The following MYO18B variants were observed in gnomAD, a reference collection of about 807,000 sequenced individuals.
MYO18B encodes unconventional myosin-XVIIIb.
In MYO18B, 204 loss-of-function variants were observed where a neutral mutation model predicts 273.0. The observed-to-expected ratio is 0.75, with a 90% CI of 0.67 to 0.84. The LOEUF (loss-of-function observed/expected upper bound fraction) is 0.84. Among genes scored for constraint, MYO18B ranks in the 40% least tolerant of loss-of-function variants. The probability of loss-of-function intolerance (pLI) is 0.00; values close to 1 mark genes in which losing one functional copy is unlikely to be tolerated. For synonymous variants in MYO18B, 1,330 were observed against 1,305.7 expected, an observed-to-expected ratio of 1.02 and a Z score of -0.40; for missense variants, 3,212 against 3,287.6, an observed-to-expected ratio of 0.98 and a Z score of 0.56.
At chr22:25,781,648 C>A in intron 9 of MYO18B, 86 bp from the exon 10 acceptor site, 1 of 752,590 alleles carries the variant, frequency 1.3e-6, no homozygotes, top group Non-Finnish European at 1.9e-6. Flanking sequence ...GTGGGGCACC[C>A]CAATGGGGCT....
rs745646260 is a variant in MYO18B at position 25,846,275 on chromosome 22, C to G, written c.3544C>G (p.Leu1182Val). The G allele has an allele frequency of 1.9e-5, 31 of 1,611,358 alleles. No homozygotes were observed. The highest frequency in any genetic ancestry group is 2.6e-5 in the Non-Finnish European group (31 of 1,179,778). ...GAAAGCCCCGTGCTCCCAGATCAAG[C>G]TGCAGATGGTGAGTGGGCACCCTGT... is the stretch of plus-strand genomic sequence containing the variant. ...RRKAPCSQIK[L>V]QMDALTSMIK... Residue 1182 changes from leucine (L) to valine (V), a missense_variant, in exon 19 of 44, where the codon CTG becomes GTG. Physicochemically the swap from Leu to Val is conservative, Grantham distance 32 (BLOSUM62 1). Coordinates refer to ENST00000335473, the MANE Select transcript of MYO18B (RefSeq NM_032608.7).
the MYO18B span, among the ~76,000 whole-genome samples, chr22:26,040,024 T>C: frequency 6.6e-6 from 1 of 152,186 alleles, no homozygotes; most frequent in Non-Finnish European, 1.5e-5. Flanking sequence ...GATGGGTTTC[T>C]GCCACGTTGC....
intron 21 of MYO18B, among the ~76,000 whole-genome samples, chr22:25,862,341 T>G (rs1223351922): frequency 1.3e-5 from 2 of 152,186 alleles, no homozygotes; most frequent in Non-Finnish European, 2.9e-5. Flanking sequence ...CTTATGTCTT[T>G]TAGGTAAGTT....
At position 25,947,618 on chromosome 22, in the gene MYO18B, C is replaced by T. The variant is rs568076459; in HGVS notation, c.5632-94C>T. ...CATTGATGGTCACTCACCTCACACACCTATAGGCAAGCCCCTCTTTGCTCT... is the reference window on the plus strand; with the variant it reads ...CATTGATGGTCACTCACCTCACACATCTATAGGCAAGCCCCTCTTTGCTCT... On this transcript the variant is annotated intron_variant, in intron 35 of 43. Coordinates refer to ENST00000335473, the MANE Select transcript of MYO18B (RefSeq NM_032608.7). The T allele has an allele frequency of 4.7e-6, 4 of 846,758 alleles. No individual in the cohort carries two copies. In the African/African-American group the frequency reaches 6.7e-5, roughly 14 times the overall value. 52.5% of individuals were successfully genotyped at this position (846,758 alleles called of 1,614,324 possible).
chr22:25,993,584 T>G (rs5761341), intron 40 of MYO18B, among the ~76,000 whole-genome samples: 93,453 of 151,554 alleles, frequency 0.62, 30,516 homozygotes, highest in African/African-American at 0.81. Context: ...GACCCTGACT[T>G]TAGAGAAGTT....
At chr22:25,929,125 ACACTC>A (rs1162032311) in intron 34 of MYO18B, among the ~76,000 whole-genome samples, 1 of 145,430 alleles carries the variant, frequency 6.9e-6, no homozygotes, top group Non-Finnish European at 1.5e-5. Flanking sequence ...TCACACCATT[ACACTC>A]CAGCCTGGGC....
rs773479269 is a variant in MYO18B, at chr22:25,847,462, G to A, written c.3585G>A (p.Arg1195=). ...DALTSMIKRS[R]LHFIHCLVPN... Reference sequence around the variant, plus strand: ...TGACCAGCATGATCAAAAGGTCCCGGCTGCACTTTATCCACTGCCTGGTAC... The same window carrying A: ...TGACCAGCATGATCAAAAGGTCCCGACTGCACTTTATCCACTGCCTGGTAC... The change falls in exon 20 of 44, where the codon CGG becomes CGA. Residue 1195 remains arginine (R), a synonymous_variant. Transcript: ENST00000335473. The A allele has an allele frequency of 1.6e-5, 26 of 1,578,176 alleles. No homozygotes were observed. The South Asian group carries it at 3.0e-4, about 18-fold the overall frequency.
At chr22:25,759,999 A>G (rs2086251260) in intron 1 of MYO18B, among the ~76,000 whole-genome samples, 1 of 152,244 alleles carries the variant, frequency 6.6e-6, no homozygotes, top group African/African-American at 2.4e-5. Context: ...ATGACAAATG[A>G]TTTCTCCAAG....
chr22:26,027,382 C>G lies in MYO18B; in HGVS notation c.7408C>G (p.Arg2470Gly). 6.2e-7 allele frequency: 1 copy of G among 1,613,956 alleles called. No homozygotes were observed. Among genetic ancestry groups the G allele is most frequent in the Non-Finnish European group, 8.5e-7 (1 of 1,179,884 alleles). The change falls in exon 43 of 44, where the codon CGT becomes GGT. Residue 2470 changes from arginine (R) to glycine (G), a missense_variant. Arg to Gly is a moderately radical substitution (Grantham distance 125). Coordinates refer to ENST00000335473, the MANE Select transcript of MYO18B (RefSeq NM_032608.7). The surrounding 1 kb of genome is among the most constrained non-coding windows in gnomAD (Gnocchi z 4.1). Reference protein sequence around the residue: ...SAKGGQDGSQRSSIHFETEEA... With the variant: ...SAKGGQDGSQGSSIHFETEEA... ...CAAAGGTGGGCAAGACGGTTCACAG[C>G]GTTCAAGCATCCACTTTGAAACGGA... is the stretch of plus-strand genomic sequence containing the variant.
chr22:25,906,962 G>T (rs960274972), intron 31 of MYO18B, among the ~76,000 whole-genome samples: 5 of 152,186 alleles, frequency 3.3e-5, no homozygotes, highest in African/African-American at 1.2e-4. Context: ...TGAGATTTGG[G>T]TGGGGACACA....
intron 12 of MYO18B, among the ~76,000 whole-genome samples, chr22:25,801,217 T>C (rs984262564): frequency 5.6e-5 from 8 of 142,980 alleles, no homozygotes; most frequent in African/African-American, 9.2e-5. Context: ...CCAATCCTGT[T>C]TTTAAAAATC....
intron 12 of MYO18B, among the ~76,000 whole-genome samples, chr22:25,811,084 G>A (rs1344647362): frequency 6.6e-6 from 1 of 151,530 alleles, no homozygotes; most frequent in Non-Finnish European, 1.5e-5. Flanking sequence ...TGTGATCTCG[G>A]CTCACTGCAA....
the MYO18B span, among the ~76,000 whole-genome samples, chr22:26,045,428 C>T: frequency 6.6e-6 from 1 of 152,120 alleles, no homozygotes; most frequent in African/African-American, 2.4e-5. Context: ...CCTCAATGTC[C>T]ATCTGATACC....
At chr22:25,923,220 A>G (rs1370162670) in intron 34 of MYO18B, among the ~76,000 whole-genome samples, 1 of 152,244 alleles carries the variant, frequency 6.6e-6, no homozygotes, top group African/African-American at 2.4e-5. Context: ...GGGCCCTTCC[A>G]TCTTGAAAAT....
chr22:25,960,213 A>G (rs1283388664), intron 39 of MYO18B, among the ~76,000 whole-genome samples: 2 of 152,130 alleles, frequency 1.3e-5, no homozygotes, highest in Non-Finnish European at 2.9e-5. Context: ...GCCATTATGG[A>G]GAAAATAATA....
chr22:25,901,453 G>T (rs4822672), intron 29 of MYO18B: 1 of 152,170 alleles, frequency 6.6e-6, no homozygotes, highest in Non-Finnish European at 1.5e-5. Flanking sequence ...TCCAGGAGGG[G>T]CTTCTCACCC....
rs1601457680 is a variant in MYO18B, at chr22:25,883,567, C to G, written c.4314+5519C>G. ...AGGCCAGAGAACAGCTAGAAGATAT[C>G]TTCTTCCATGTGCATCTGCTTCCTT... is the stretch of plus-strand genomic sequence containing the variant. On this transcript the variant is annotated intron_variant, in intron 25 of 43. Coordinates refer to ENST00000335473, the MANE Select transcript of MYO18B (RefSeq NM_032608.7). This position sits in a 1 kb window ranked among gnomAD's most constrained non-coding sequence, Gnocchi z 7.6. 6.6e-6 allele frequency: 1 copy of G among 152,220 alleles called. No individual in the cohort carries two copies. The highest frequency in any genetic ancestry group is 6.5e-5 in the Admixed American group (1 of 15,282). 9.4% of individuals were successfully genotyped at this position (152,220 alleles called of 1,614,324 possible). A position where few individuals can be genotyped will look rare whatever the true frequency, so the allele number is the denominator to read the frequency against.
intron 25 of MYO18B, among the ~76,000 whole-genome samples, chr22:25,884,442 G>C (rs1318075653): frequency 6.6e-6 from 1 of 152,148 alleles, no homozygotes; most frequent in South Asian, 2.1e-4. Context: ...ATCTGTCTTA[G>C]GCTATTAGGA....
chr22:25,955,256 G>A lies in MYO18B; in HGVS notation c.6048G>A (p.Gln2016=). ...ELSQAATSES[Q]QRESSQYYQR... is the part of the protein sequence containing the mutation. ...CACAGGCGGCCACCTCCGAGTCCCA[G>A]CAGCGGGAGAGCAGCCAGTACTACC... Residue 2016 remains glutamine, a synonymous_variant, in exon 39 of 44, where the codon CAG becomes CAA. Coordinates refer to ENST00000335473, the MANE Select transcript of MYO18B (RefSeq NM_032608.7). The A allele has an allele frequency of 6.2e-7, 1 of 1,613,754 alleles. No homozygotes were observed. Among genetic ancestry groups the A allele is most frequent in the South Asian group, 1.1e-5 (1 of 91,004 alleles).
Sources: allele counts gnomAD v4.1 joint callset (sites outside exome capture counted in the v4.1 genomes callset), GRCh38; gene constraint gnomAD v4.1.1; non-coding constraint Gnocchi (gnomAD v3.1); transcripts MANE v1.5; gene names NCBI Gene and HGNC (gene_info 2026-07-23, HGNC 2026-07-21).